Variants in KCNH5 observed in about 807,000 individuals in gnomAD.
KCNH5 encodes voltage-gated delayed rectifier potassium channel KCNH5.
In KCNH5, 46 loss-of-function variants were observed where a neutral mutation model predicts 96.1. The ratio of observed to expected loss-of-function variants is 0.48; its 90% CI spans 0.38 to 0.61. KCNH5 has a LOEUF of 0.61. KCNH5 is among the 20% of genes least tolerant of loss of function. The pLI is 0.00. For synonymous variants in KCNH5, 439 were observed against 449.8 expected (o/e 0.98, Z 0.30); for missense variants, 907 against 1,225.8 (o/e 0.74, Z 3.88).
intron 7 of KCNH5, among the ~76,000 whole-genome samples, chr14:62,941,879 C>T (rs552467173): frequency 2.0e-5 from 3 of 152,276 alleles, no homozygotes; most frequent in African/African-American, 7.2e-5. Flanking sequence ...TCTCCAAGTC[C>T]AAGTCCCACT....
chr14:62,872,232 C>T (rs139487873), intron 7 of KCNH5, among the ~76,000 whole-genome samples: 1 of 152,124 alleles, frequency 6.6e-6, no homozygotes, highest in East Asian at 1.9e-4. Context: ...CAGTCCATGC[C>T]CAATGCTGGT....
intron 10 of KCNH5, among the ~76,000 whole-genome samples, chr14:62,724,909 G>C (rs1884891241): frequency 6.6e-6 from 1 of 152,200 alleles, no homozygotes; most frequent in African/African-American, 2.4e-5. Context: ...ATCTGCCAGT[G>C]CATTTGCCCA....
chr14:62,707,464 G>T lies in KCNH5; in HGVS notation c.*44C>A. Reference sequence around the variant, plus strand: ...GTATATACTGTATATACACACATATGTATATACTGTTTTAATATATTAACA... The same window carrying T: ...GTATATACTGTATATACACACATATTTATATACTGTTTTAATATATTAACA... On this transcript the variant is annotated 3_prime_UTR_variant, in exon 11 of 11. Transcript: ENST00000322893. 1.0e-6 allele frequency: 1 copy of T among 976,542 alleles called. No individual in the cohort carries two copies. Among genetic ancestry groups the T allele is most frequent in the Non-Finnish European group, 1.4e-6 (1 of 721,350 alleles). The allele number at this position is 976,542 out of a possible 1,614,324, so 60.5% of individuals were successfully genotyped here.
intron 10 of KCNH5, among the ~76,000 whole-genome samples, chr14:62,769,599 G>C (rs1885942926): frequency 6.6e-6 from 1 of 152,204 alleles, no homozygotes; most frequent in African/African-American, 2.4e-5. Context: ...GTTAGAAACA[G>C]CAGCTGGGAG....
intron 7 of KCNH5, among the ~76,000 whole-genome samples, chr14:62,890,678 G>A (rs1051974426): frequency 7.3e-6 from 1 of 136,840 alleles, no homozygotes; most frequent in African/African-American, 2.8e-5. Flanking sequence ...CAGCCTGGGG[G>A]ACAGAGCGAG....
At chr14:62,717,727 A>C (rs1262848649) in intron 10 of KCNH5, among the ~76,000 whole-genome samples, 5 of 152,204 alleles carry the variant, frequency 3.3e-5, no homozygotes, top group Non-Finnish European at 7.4e-5. Context: ...GTGACCCTGA[A>C]TTAGACAATG....
intron 4 of KCNH5, among the ~76,000 whole-genome samples, chr14:62,999,693 T>C (rs1890975149): frequency 8.8e-6 from 1 of 114,198 alleles, no homozygotes; most frequent in African/African-American, 3.5e-5. Flanking sequence ...AAGGGGAACA[T>C]CACACTCTGG....
At chr14:62,767,220 T>C (rs1032574838) in intron 10 of KCNH5, among the ~76,000 whole-genome samples, 1 of 152,208 alleles carries the variant, frequency 6.6e-6, no homozygotes, top group Non-Finnish European at 1.5e-5. Context: ...TAGATGTTGC[T>C]GGTGGGAATT....
At chr14:62,953,162 G>T (rs1316410470) in intron 6 of KCNH5, among the ~76,000 whole-genome samples, 1 of 151,140 alleles carries the variant, frequency 6.6e-6, no homozygotes, top group Admixed American at 6.6e-5. Flanking sequence ...TATACATAAA[G>T]TATATATAAA....
At chr14:62,715,573 G>T (rs556106592) in intron 10 of KCNH5, among the ~76,000 whole-genome samples, 1 of 152,238 alleles carries the variant, frequency 6.6e-6, no homozygotes, top group South Asian at 2.1e-4. Flanking sequence ...TGGGGCTGTC[G>T]CAAATGACCA....
At chr14:63,012,561 A>G (rs746015391) in intron 2 of KCNH5, among the ~76,000 whole-genome samples, 4 of 152,152 alleles carry the variant, frequency 2.6e-5, no homozygotes, top group Non-Finnish European at 5.9e-5. Flanking sequence ...ATTTCTGGGG[A>G]TAGAGACAGA....
In KCNH5 at chr14:62,971,478, G is replaced by A. The variant is rs545182245; in HGVS notation, c.942+9394C>T. Among the ~76,000 whole-genome samples, 3 of 152,042 alleles carry A rather than the reference G, an allele frequency of 2.0e-5. No individual in the cohort carries two copies. In the East Asian group the frequency reaches 5.8e-4, roughly 29 times the overall value. ...CAAAAATCCAATTAAGAACCTAGCA[G>A]GTTATTTTGTTGATACAAGTAGACT... On this transcript the variant is annotated intron_variant, in intron 6 of 10. Transcript: ENST00000322893.
intron 9 of KCNH5, among the ~76,000 whole-genome samples, chr14:62,782,299 T>G (rs1886235597): frequency 6.6e-6 from 1 of 152,164 alleles, no homozygotes; most frequent in Non-Finnish European, 1.5e-5. Context: ...TAAGAGGCAC[T>G]TCAGGGTACA....
intron 7 of KCNH5, among the ~76,000 whole-genome samples, chr14:62,860,704 T>C (rs1177239582): frequency 3.9e-5 from 6 of 152,208 alleles, no homozygotes; most frequent in Non-Finnish European, 5.9e-5. Context: ...CTAAGCCCCC[T>C]TCTCACAGGA....
chr14:63,022,377 G>T (rs1389135199), intron 1 of KCNH5, among the ~76,000 whole-genome samples: 2 of 152,120 alleles, frequency 1.3e-5, no homozygotes, highest in Non-Finnish European at 2.9e-5. Context: ...TCAGGTAACT[G>T]TCTGATTTAC....
chr14:62,908,066 C>A (rs896282330), intron 7 of KCNH5, among the ~76,000 whole-genome samples: 1 of 152,148 alleles, frequency 6.6e-6, no homozygotes, highest in Non-Finnish European at 1.5e-5. Flanking sequence ...ATTATGTATA[C>A]ATACTACACA....
In KCNH5 at chr14:62,779,430, T is replaced by C. The variant is rs571814592; in HGVS notation, c.2019+298A>G. Among the ~76,000 whole-genome samples the C allele has an allele frequency of 9.8e-5, 15 of 152,338 alleles. No individual in the cohort carries two copies. In the East Asian group the frequency reaches 2.3e-3, roughly 23 times the overall value. ...GACACTGGAGTTGATTTTATGGCAG[T>C]ATTATAAACTCCAAGAACTAACTAC... On this transcript the variant is annotated intron_variant, in intron 10 of 10. Coordinates refer to ENST00000322893, the MANE Select transcript of KCNH5 (RefSeq NM_139318.5).
chr14:62,799,916 G>T (rs1381388507), intron 9 of KCNH5, among the ~76,000 whole-genome samples: 1 of 145,784 alleles, frequency 6.9e-6, no homozygotes. Context: ...CATTAAGCAT[G>T]CAATTATTTC....
At chr14:62,979,878 C>T (rs1012719060) in intron 6 of KCNH5, among the ~76,000 whole-genome samples, 4 of 152,168 alleles carry the variant, frequency 2.6e-5, no homozygotes, top group African/African-American at 9.7e-5. Context: ...TTACATGAGA[C>T]AAGACATCAG....
Sources: allele counts gnomAD v4.1 joint callset (sites outside exome capture counted in the v4.1 genomes callset), GRCh38; gene constraint gnomAD v4.1.1; transcripts MANE v1.5; gene names NCBI Gene and HGNC (gene_info 2026-07-23, HGNC 2026-07-21).